The following KCNIP4 variants were observed in gnomAD, a reference collection of about 807,000 sequenced individuals.
KCNIP4 encodes the protein Kv channel-interacting protein 4.
A neutral mutation model predicts 34.0 loss-of-function variants in KCNIP4; 12 were observed. The observed-to-expected ratio is 0.35, with a 90% CI of 0.23 to 0.57. The LOEUF (loss-of-function observed/expected upper bound fraction) is 0.57. Ranked by LOEUF, KCNIP4 falls within the 20% of genes least tolerant of loss-of-function variation. The probability of loss-of-function intolerance (pLI) is 0.83; values close to 1 mark genes in which losing one functional copy is unlikely to be tolerated. For missense variants in KCNIP4, 238 were observed against 311.7 expected (o/e 0.76, Z 1.78); for synonymous variants, 124 against 102.2 (o/e 1.21, Z -1.29).
At chr4:21,374,101 G>T (rs577612672) in intron 1 of KCNIP4, among the ~76,000 whole-genome samples, 5 of 147,656 alleles carry the variant, frequency 3.4e-5, no homozygotes, top group Non-Finnish European at 5.9e-5. Flanking sequence ...AATTGCAATA[G>T]AGAAAGGATT....
At chr4:21,650,438 T>C (rs1747395295) in intron 1 of KCNIP4, among the ~76,000 whole-genome samples, 1 of 152,200 alleles carries the variant, frequency 6.6e-6, no homozygotes, top group Non-Finnish European at 1.5e-5. Context: ...AAAACACTTG[T>C]TCCAATGATA....
chr4:20,805,703 C>T (rs1317539410), intron 3 of KCNIP4, among the ~76,000 whole-genome samples: 9 of 152,126 alleles, frequency 5.9e-5, no homozygotes, highest in Non-Finnish European at 1.5e-5. Flanking sequence ...CTCTGTAATA[C>T]ACAGACAAGT....
intron 1 of KCNIP4, among the ~76,000 whole-genome samples, chr4:20,945,081 T>G (rs999032646): frequency 6.6e-6 from 1 of 152,148 alleles, no homozygotes; most frequent in African/African-American, 2.4e-5. Context: ...AAAAGTCCAT[T>G]TGGTTCCAAT....
At chr4:20,955,074 T>C (rs1560598538) in intron 1 of KCNIP4, among the ~76,000 whole-genome samples, 1 of 152,096 alleles carries the variant, frequency 6.6e-6, no homozygotes, top group Admixed American at 6.5e-5. Context: ...GTTCTGTGAT[T>C]GTAACTCCTG....
At chr4:21,676,357 G>C (rs1317438275) in intron 1 of KCNIP4, among the ~76,000 whole-genome samples, 2 of 152,124 alleles carry the variant, frequency 1.3e-5, no homozygotes, top group African/African-American at 4.8e-5. Flanking sequence ...ATCATAATCT[G>C]GATAAGTTGT....
intron 1 of KCNIP4, among the ~76,000 whole-genome samples, chr4:21,835,409 T>C (rs1179642088): frequency 6.6e-6 from 1 of 152,156 alleles, no homozygotes; most frequent in Non-Finnish European, 1.5e-5. Context: ...AATTTAATTA[T>C]GAAATACCAT....
At chr4:21,621,774 G>A (rs1745013501) in intron 1 of KCNIP4, among the ~76,000 whole-genome samples, 1 of 152,152 alleles carries the variant, frequency 6.6e-6, no homozygotes, top group African/African-American at 2.4e-5. Flanking sequence ...AAGCTGGTCT[G>A]CTAGAGGTAC....
chr4:21,945,651 G>A (rs1730472125), intron 1 of KCNIP4, among the ~76,000 whole-genome samples: 1 of 151,716 alleles, frequency 6.6e-6, no homozygotes, highest in Admixed American at 6.6e-5. Context: ...TAAGTTAGAT[G>A]GCACAAATTA....
rs151216599 is a variant in KCNIP4 at position 21,166,701 on chromosome 4, G to T, written c.62-283992C>A. Among the ~76,000 whole-genome samples the T allele has an allele frequency of 6.7e-3, 1,021 of 152,116 alleles. 9 individuals carry two copies. Among genetic ancestry groups the T allele is most frequent in the African/African-American group, 0.022 (924 of 41,504 alleles). On this transcript the variant is annotated intron_variant, in intron 1 of 8. Coordinates refer to ENST00000382152, the MANE Select transcript of KCNIP4 (RefSeq NM_025221.6). ...CGCCTGTAAACCCAGCACTTTGGGA[G>T]GCCAAGGCGGGCGGATCACTTGAGG...
chr4:21,142,185 A>G (rs1172527711), intron 1 of KCNIP4, among the ~76,000 whole-genome samples: 1 of 151,898 alleles, frequency 6.6e-6, no homozygotes, highest in Non-Finnish European at 1.5e-5. Context: ...AAAACAAACA[A>G]AAACAAAAGT....
At chr4:21,129,365 C>T (rs1020271459) in intron 1 of KCNIP4, among the ~76,000 whole-genome samples, 2 of 152,202 alleles carry the variant, frequency 1.3e-5, no homozygotes, top group African/African-American at 4.8e-5. Flanking sequence ...AAAGTAGACA[C>T]TCAATACACA....
intron 1 of KCNIP4, among the ~76,000 whole-genome samples, chr4:21,030,483 C>A (rs1473014135): frequency 4.6e-5 from 7 of 152,102 alleles, no homozygotes; most frequent in Admixed American, 4.6e-4. Context: ...CATCCCAAAA[C>A]CATCCGCTGC....
At chr4:21,874,713 T>G (rs566433013) in intron 1 of KCNIP4, among the ~76,000 whole-genome samples, 18 of 152,346 alleles carry the variant, frequency 1.2e-4, no homozygotes, top group Admixed American at 9.1e-4. Context: ...GTTCTCTCAC[T>G]TAACCTCTCT....
At chr4:21,936,900 G>A (rs1423766399) in intron 1 of KCNIP4, among the ~76,000 whole-genome samples, 1 of 151,930 alleles carries the variant, frequency 6.6e-6, no homozygotes, top group Non-Finnish European at 1.5e-5. Flanking sequence ...TCTTCTCCAG[G>A]TATAACACGT....
chr4:21,153,846 T>G (rs1049032214), intron 1 of KCNIP4, among the ~76,000 whole-genome samples: 22 of 152,050 alleles, frequency 1.4e-4, no homozygotes, highest in African/African-American at 5.3e-4. Flanking sequence ...CATGAGTTCT[T>G]TCATCAGGTA....
Position 20,763,633 on chromosome 4 carries a change from G to A in KCNIP4, c.289-4743C>T, listed in dbSNP as rs140092535. 5.5e-3 allele frequency among the ~76,000 whole-genome samples: 837 copies of A among 152,308 alleles called. 8 individuals are homozygous for A. Among genetic ancestry groups the A allele is most frequent in the South Asian group, 0.044 (213 of 4,828 alleles). On this transcript the variant is annotated intron_variant, in intron 3 of 8. Coordinates refer to ENST00000382152, the MANE Select transcript of KCNIP4 (RefSeq NM_025221.6). Reference sequence around the variant, plus strand: ...AGACAAGAATGCAGATTTGTAAAGAGTTTGGAATATCTATCCCTGTGGCAT... The same window carrying A: ...AGACAAGAATGCAGATTTGTAAAGAATTTGGAATATCTATCCCTGTGGCAT...
intron 1 of KCNIP4, among the ~76,000 whole-genome samples, chr4:21,655,207 A>T (rs1747824804): frequency 6.6e-6 from 1 of 152,104 alleles, no homozygotes; most frequent in Admixed American, 6.5e-5. Flanking sequence ...GAAATTCCAC[A>T]TGTTAAAATG....
At chr4:21,883,163 T>G (rs1375481858) in intron 1 of KCNIP4, among the ~76,000 whole-genome samples, 1 of 151,078 alleles carries the variant, frequency 6.6e-6, no homozygotes, top group Non-Finnish European at 1.5e-5. Context: ...GTTGTTGTTT[T>G]TTTTTTTTTT....
At chr4:21,175,862 A>C (rs1446994720) in intron 1 of KCNIP4, among the ~76,000 whole-genome samples, 1 of 152,214 alleles carries the variant, frequency 6.6e-6, no homozygotes, top group Non-Finnish European at 1.5e-5. Context: ...AAACTACAGA[A>C]AGGGAAACCC....
Sources: gnomAD v4.1 joint callset for allele counts (sites outside exome capture counted in the v4.1 genomes callset) on GRCh38, gnomAD v4.1.1 for gene constraint, MANE v1.5 for transcripts, NCBI Gene and HGNC (gene_info 2026-07-23, HGNC 2026-07-21) for gene names.